Variants in SETD2 observed in about 807,000 individuals in gnomAD.
SETD2 encodes SET domain containing 2, histone lysine methyltransferase, also known as histone-lysine N-methyltransferase SETD2.
A neutral mutation model predicts 242.1 loss-of-function variants in SETD2; 31 were observed. The ratio of observed to expected loss-of-function variants is 0.13; its 90% CI spans 0.10 to 0.17. The LOEUF is 0.17. Among genes scored for constraint, SETD2 ranks in the 10% least tolerant of loss-of-function variants. The pLI is 1.00. For missense variants in SETD2, 2,481 were observed against 3,046.3 expected, an observed-to-expected ratio of 0.81 and a Z score of 4.37; for synonymous variants, 1,006 against 1,066.5, an observed-to-expected ratio of 0.94 and a Z score of 1.11.
rs977177090 is a variant in SETD2 at position 47,017,399 on chromosome 3, C to T, written c.7534-145G>A. On this transcript the variant is annotated intron_variant, in intron 20 of 20. Transcript: ENST00000409792. The surrounding 1 kb of genome is among the most constrained non-coding windows in gnomAD (Gnocchi z 4.8). ...GTTAATAAGGGGGTAGATGTTGGGG[C>T]AGGCTGGTGCTATGATCACCAGAAA... The T allele has an allele frequency of 1.1e-5, 10 of 872,544 alleles. No homozygotes were observed. The highest frequency in any genetic ancestry group is 2.7e-5 in the Admixed American group (1 of 36,868). The allele number at this position is 872,544 out of a possible 1,614,324, so 54.1% of individuals were successfully genotyped here.
At chr3:47,048,815 G>A (rs558229546) in intron 15 of SETD2, among the ~76,000 whole-genome samples, 3 of 151,258 alleles carry the variant, frequency 2.0e-5, no homozygotes, top group Non-Finnish European at 4.4e-5. Flanking sequence ...CTACAGGTGC[G>A]TGCCACCACG....
intron 10 of SETD2, among the ~76,000 whole-genome samples, chr3:47,086,651 T>TA (rs1469659923): frequency 2.0e-5 from 3 of 151,864 alleles, no homozygotes; most frequent in Non-Finnish European, 4.4e-5. Flanking sequence ...GCTAAAACCA[T>TA]AAAAATTAGT....
At chr3:47,023,627 G>T (rs1001870718) in intron 18 of SETD2, among the ~76,000 whole-genome samples, 5 of 151,932 alleles carry the variant, frequency 3.3e-5, no homozygotes, top group Non-Finnish European at 1.5e-5. Context: ...CTGGTGTTCT[G>T]CATCTGTAGG....
chr3:47,033,227 C>T (rs1221646320), intron 18 of SETD2, among the ~76,000 whole-genome samples: 1 of 152,218 alleles, frequency 6.6e-6, no homozygotes, highest in African/African-American at 2.4e-5. Context: ...CCTTCCTTCC[C>T]TGCCTTTGCT....
chr3:47,086,429 T>A, intron 10 of SETD2, 115 bp from the exon 11 acceptor site: 1 of 990,152 alleles, frequency 1.0e-6, no homozygotes, highest in Non-Finnish European at 1.5e-6. Context: ...TCACTTACAT[T>A]CACAAAAAAA....
In SETD2 at chr3:47,113,890, G is replaced by C. The variant is rs2107718729; in HGVS notation, c.4701C>G (p.Ala1567=). 1 of 1,610,070 alleles carries C rather than the reference G, an allele frequency of 6.2e-7. No homozygotes were observed. Among genetic ancestry groups the C allele is most frequent in the Non-Finnish European group, 8.5e-7 (1 of 1,178,848 alleles). Residue 1567 remains alanine (A), a synonymous_variant, in exon 5 of 21, where the codon GCC becomes GCG. Coordinates refer to ENST00000409792, the MANE Select transcript of SETD2 (RefSeq NM_014159.7). Reference sequence around the variant, plus strand: ...AAAGAACTTACGAAGGAAGGTCTTTGGCAGCTCTCAAGCCCCAGCCTTTCT... The same window carrying C: ...AAAGAACTTACGAAGGAAGGTCTTTCGCAGCTCTCAAGCCCCAGCCTTTCT... ...TEKKGWGLRA[A]KDLPSNTFVL...
rs60931986 is a variant in SETD2 at position 47,136,499 on chromosome 3, A to C, written c.72-9836T>G. On this transcript the variant is annotated intron_variant, in intron 1 of 20. Coordinates refer to ENST00000409792, the MANE Select transcript of SETD2 (RefSeq NM_014159.7). ...ATGTTGTTTGCAGCAACATGTATGG[A>C]GCTGGAGGCCATTATCCTTAGTGAA... Among the ~76,000 whole-genome samples, 719 of 152,322 alleles carry C rather than the reference A, an allele frequency of 4.7e-3. 9 individuals carry two copies. The highest frequency in any genetic ancestry group is 0.017 in the African/African-American group (698 of 41,560).
At chr3:47,111,527 G>A (rs1018833174) in intron 5 of SETD2, among the ~76,000 whole-genome samples, 11 of 151,968 alleles carry the variant, frequency 7.2e-5, no homozygotes, top group East Asian at 3.9e-4. Flanking sequence ...CTATGATTGC[G>A]CCAGGATACT....
Position 47,121,344 on chromosome 3 carries a change from A to G in SETD2, c.3292T>C (p.Ser1098Pro), listed in dbSNP as rs2106646864. The change falls in exon 3 of 21, where the codon TCT becomes CCT. Residue 1098 changes from serine to proline, a missense_variant. Physicochemically the swap from Ser to Pro is moderately conservative, Grantham distance 74. This residue lies in a region of SETD2 where 1,300 missense variants were observed against 1,259.2 expected (regional missense o/e 1.03). Transcript: ENST00000409792. Reference protein sequence around the residue: ...SRSSQSYRHYSDHWEDERLES... With the variant: ...SRSSQSYRHYPDHWEDERLES... ...AATCTCTCATCTTCCCAATGGTCAG[A>G]ATAGTGTCTATAACTTTGACTGCTC... The G allele has an allele frequency of 6.2e-7, 1 of 1,610,434 alleles. No individual in the cohort carries two copies.
chr3:47,120,192 A>G lies in SETD2; in HGVS notation c.4444T>C (p.Leu1482=). Residue 1482 remains leucine (L), a synonymous_variant, in exon 3 of 21, where the codon TTA becomes CTA. Transcript: ENST00000409792. ...YFDLIEENVY[L]TERKKNKSHR... is the part of the protein sequence containing the mutation. Reference sequence around the variant, plus strand: ...ATTAATTAGACTTACCTTTCTGTTAAATAAACATTTTCTTCAATAAGATCA... The same window carrying G: ...ATTAATTAGACTTACCTTTCTGTTAGATAAACATTTTCTTCAATAAGATCA... The G allele has an allele frequency of 1.3e-6, 2 of 1,535,452 alleles. No individual in the cohort carries two copies. The highest frequency in any genetic ancestry group is 1.8e-6 in the Non-Finnish European group (2 of 1,141,264).
In SETD2 at chr3:47,033,365, A is replaced by C. The variant is rs531404482; in HGVS notation, c.7350+4301T>G. On this transcript the variant is annotated intron_variant, in intron 18 of 20. Transcript: ENST00000409792. ...GTTTCTTCTATGCTCCCAGGATGAA[A>C]AAGCATAACAGAGCTATAAGCAACC... 1.7e-3 allele frequency among the ~76,000 whole-genome samples: 253 copies of C among 152,308 alleles called. 2 individuals are homozygous for C. The highest frequency in any genetic ancestry group is 5.4e-3 in the African/African-American group (225 of 41,570).
chr3:47,144,006 G>C (rs890188206), intron 1 of SETD2, among the ~76,000 whole-genome samples: 2 of 151,844 alleles, frequency 1.3e-5, no homozygotes, highest in Admixed American at 6.6e-5. Flanking sequence ...CACTGCGCCC[G>C]GCCACATTAC....
chr3:47,037,073 T>C (rs1343839130), intron 18 of SETD2, among the ~76,000 whole-genome samples: 1 of 140,142 alleles, frequency 7.1e-6, no homozygotes, highest in South Asian at 2.2e-4. Context: ...TTTTTTTTTT[T>C]TTTTTTTTTT....
At position 47,056,845 on chromosome 3, in the gene SETD2, T is replaced by C. The variant is rs1188781276; in HGVS notation, c.6939A>G (p.Ser2313=). Residue 2313 remains serine, a synonymous_variant, in exon 15 of 21, where the codon TCA becomes TCG. Coordinates refer to ENST00000409792, the MANE Select transcript of SETD2 (RefSeq NM_014159.7). ...PTVYGVTSPY[S]QTTPPIVQSY... The stretch of plus-strand genomic sequence containing the variant: ...CCTGTACAATTGGTGGAGTTGTCTG[T>C]GAATAAGGTGATGTCACACCATAGA... The C allele has an allele frequency of 6.2e-7, 1 of 1,613,662 alleles. No individual in the cohort carries two copies. The highest frequency in any genetic ancestry group is 1.3e-5 in the African/African-American group (1 of 74,916).
At chr3:47,027,943 C>T (rs2038578190) in intron 18 of SETD2, among the ~76,000 whole-genome samples, 1 of 152,032 alleles carries the variant, frequency 6.6e-6, no homozygotes. Flanking sequence ...AGGCGCCCCC[C>T]CGCACACCTG....
At chr3:47,050,734 T>TTTTTTTG (rs2039794011) in intron 15 of SETD2, among the ~76,000 whole-genome samples, 1 of 125,858 alleles carries the variant, frequency 7.9e-6, no homozygotes, top group African/African-American at 3.1e-5. Flanking sequence ...TTTTTTTTTT[T>TTTTTTTG]TTTTTTTTTT....
intron 1 of SETD2, among the ~76,000 whole-genome samples, chr3:47,144,098 G>A (rs2043797641): frequency 6.6e-6 from 1 of 152,188 alleles, no homozygotes; most frequent in African/African-American, 2.4e-5. Context: ...AAACTTAAGT[G>A]CTATAAACAG....
At chr3:47,071,332 T>C (rs1295329762) in intron 12 of SETD2, among the ~76,000 whole-genome samples, 3 of 152,242 alleles carry the variant, frequency 2.0e-5, no homozygotes, top group Non-Finnish European at 4.4e-5. Flanking sequence ...TGTCTTATTC[T>C]TTATTGTATC....
chr3:47,059,096 A>C (rs1575704558), intron 14 of SETD2, among the ~76,000 whole-genome samples: 1 of 140,978 alleles, frequency 7.1e-6, no homozygotes, highest in African/African-American at 2.7e-5. Flanking sequence ...GGTGTGAGCC[A>C]CCACGCCTGG....
Sources: allele counts gnomAD v4.1 joint callset (sites outside exome capture counted in the v4.1 genomes callset), GRCh38; gene constraint gnomAD v4.1.1; regional missense constraint gnomAD v4.1.1; non-coding constraint Gnocchi (gnomAD v3.1); transcripts MANE v1.5; gene names NCBI Gene and HGNC (gene_info 2026-07-23, HGNC 2026-07-21).